The following GC variants were observed in gnomAD, a reference collection of about 807,000 sequenced individuals.
The protein encoded by GC is GC vitamin D binding protein, also known as vitamin D-binding protein.
In GC, 43 loss-of-function variants were observed where a neutral mutation model predicts 56.7. The observed-to-expected ratio is 0.76, with a 90% CI of 0.59 to 0.98. GC has a LOEUF of 0.98. Among genes scored for constraint, GC ranks in the 50% least tolerant of loss-of-function variants. The probability of loss-of-function intolerance (pLI) is 0.00; values close to 1 mark genes in which losing one functional copy is unlikely to be tolerated. For missense variants in GC, 529 were observed against 545.9 expected, an observed-to-expected ratio of 0.97 and a Z score of 0.31; for synonymous variants, 216 against 202.7, an observed-to-expected ratio of 1.07 and a Z score of -0.56.
upstream of GC, among the ~76,000 whole-genome samples, chr4:71,787,402 T>A (rs1321204810): frequency 6.6e-6 from 1 of 151,926 alleles, no homozygotes; most frequent in African/African-American, 2.4e-5. Context: ...CTTCCCTTAC[T>A]CTATTTTACG....
intron 1 of GC, among the ~76,000 whole-genome samples, chr4:71,777,429 G>GA (rs1449507463): frequency 1.3e-5 from 2 of 151,192 alleles, no homozygotes; most frequent in Non-Finnish European, 3.0e-5. Context: ...CATGTAGATG[G>GA]AAAATGGAAT....
chr4:71,764,491 T>C (rs1384900224), intron 4 of GC, among the ~76,000 whole-genome samples: 1 of 152,188 alleles, frequency 6.6e-6, no homozygotes, highest in Non-Finnish European at 1.5e-5. Context: ...CTTTATTCAC[T>C]TAATGTCTGG....
intron 1 of GC, among the ~76,000 whole-genome samples, chr4:71,775,606 G>A (rs1742484312): frequency 6.6e-6 from 1 of 151,818 alleles, no homozygotes; most frequent in Non-Finnish European, 1.5e-5. Flanking sequence ...TGAGTTTTTT[G>A]GACATGACGC....
chr4:71,762,286 C>A (rs113574864), intron 6 of GC, among the ~76,000 whole-genome samples: 2 of 152,130 alleles, frequency 1.3e-5, no homozygotes, highest in Admixed American at 6.6e-5. Context: ...TTGCATGGGG[C>A]CTGTAGCCCC....
intron 1 of GC, among the ~76,000 whole-genome samples, chr4:71,792,827 T>G (rs1295867618): frequency 2.6e-5 from 4 of 152,186 alleles, no homozygotes; most frequent in Non-Finnish European, 4.4e-5. Flanking sequence ...CATCTTGAAT[T>G]AATTTTTGTG....
chr4:71,744,676 T>C (rs1741303112), intron 12 of GC, among the ~76,000 whole-genome samples: 2 of 152,174 alleles, frequency 1.3e-5, no homozygotes, highest in South Asian at 4.1e-4. Context: ...AAATCAAAGT[T>C]ATCATATAGC....
intron 11 of GC, among the ~76,000 whole-genome samples, chr4:71,747,919 G>A (rs754318854): frequency 6.6e-6 from 1 of 152,108 alleles, no homozygotes; most frequent in South Asian, 2.1e-4. Flanking sequence ...TACCAACCTG[G>A]TATCATTTTT....
At chr4:71,793,396 T>C (rs552908077) in intron 1 of GC, among the ~76,000 whole-genome samples, 1 of 152,226 alleles carries the variant, frequency 6.6e-6, no homozygotes, top group East Asian at 1.9e-4. Flanking sequence ...GTTGTATTCC[T>C]AGGTATTTTA....
chr4:71,777,538 A>T (rs1742545828), intron 1 of GC, among the ~76,000 whole-genome samples: 1 of 149,852 alleles, frequency 6.7e-6, no homozygotes, highest in East Asian at 2.0e-4. Context: ...TAAAAGGAAC[A>T]CTCACTTCAA....
chr4:71,804,456 C>T (rs1743318180), upstream of GC, among the ~76,000 whole-genome samples: 1 of 152,094 alleles, frequency 6.6e-6, no homozygotes, highest in Admixed American at 6.5e-5. Context: ...ACAGACGGAC[C>T]CCTCCCCTGG....
chr4:71,754,197 T>C (rs546459977), intron 10 of GC, among the ~76,000 whole-genome samples: 14 of 152,296 alleles, frequency 9.2e-5, no homozygotes, highest in African/African-American at 3.4e-4. Flanking sequence ...TTCCTTATCC[T>C]TCACCCCTCT....
At chr4:71,800,704 T>C (rs1743226959) in intron 1 of GC, among the ~76,000 whole-genome samples, 1 of 152,172 alleles carries the variant, frequency 6.6e-6, no homozygotes, top group South Asian at 2.1e-4. Context: ...ACCAACAGTG[T>C]AAAAGTGTTC....
intron 1 of GC, among the ~76,000 whole-genome samples, chr4:71,802,530 C>T (rs188532664): frequency 6.6e-6 from 1 of 152,242 alleles, no homozygotes; most frequent in African/African-American, 2.4e-5. Context: ...GGGCTGCATG[C>T]CCATAAACCC....
intron 1 of GC, among the ~76,000 whole-genome samples, chr4:71,782,815 A>T (rs1742725992): frequency 6.6e-6 from 1 of 151,826 alleles, no homozygotes; most frequent in African/African-American, 2.4e-5. Context: ...GGCCAAAAGA[A>T]TAAGACTTAA....
chr4:71,747,945 T>G (rs1386799315), intron 11 of GC, among the ~76,000 whole-genome samples: 1 of 152,164 alleles, frequency 6.6e-6, no homozygotes, highest in Non-Finnish European at 1.5e-5. Flanking sequence ...TTAAAAATAA[T>G]TTTGGATTTT....
At chr4:71,768,103 G>A (rs1742214686) in intron 3 of GC, among the ~76,000 whole-genome samples, 198 bp downstream of exon 3, 1 of 152,100 alleles carries the variant, frequency 6.6e-6, no homozygotes, top group South Asian at 2.1e-4. Flanking sequence ...TTTCTCATTT[G>A]AACCTTGTAG....
intron 1 of GC, among the ~76,000 whole-genome samples, chr4:71,778,305 T>C (rs1004677332): frequency 6.6e-6 from 1 of 151,964 alleles, no homozygotes; most frequent in Non-Finnish European, 1.5e-5. Context: ...CTATTTTAAA[T>C]GTAAAGATAC....
chr4:71,749,759 A>C (rs1741487300), intron 11 of GC, among the ~76,000 whole-genome samples: 1 of 152,202 alleles, frequency 6.6e-6, no homozygotes, highest in South Asian at 2.1e-4. Flanking sequence ...TTATGTTGAG[A>C]ATCTTAAGTA....
intron 10 of GC, among the ~76,000 whole-genome samples, chr4:71,752,941 T>C (rs2149295157): frequency 6.6e-6 from 1 of 152,330 alleles, no homozygotes; most frequent in Admixed American, 6.5e-5. Flanking sequence ...TCTTCTATTT[T>C]ATCCTAACCT....
Sources: allele counts gnomAD v4.1 joint callset (sites outside exome capture counted in the v4.1 genomes callset), GRCh38; gene constraint gnomAD v4.1.1; transcripts MANE v1.5; gene names NCBI Gene and HGNC (gene_info 2026-07-23, HGNC 2026-07-21).